ADAM12: variants seen among roughly 807,000 people sequenced by gnomAD.
ADAM12 encodes disintegrin and metalloproteinase domain-containing protein 12.
ADAM12 carries 70 observed loss-of-function variants against 106.4 expected under a neutral mutation model. The observed-to-expected ratio is 0.66, with a 90% CI of 0.54 to 0.80. The LOEUF (loss-of-function observed/expected upper bound fraction) is 0.80, where lower values mean the gene tolerates loss of function less well. ADAM12 is among the 30% of genes least tolerant of loss of function. The pLI, the probability that ADAM12 is intolerant of heterozygous loss-of-function variation, is 0.00. For missense variants in ADAM12, 1,010 were observed against 1,171.9 expected (o/e 0.86, Z 2.02); for synonymous variants, 420 against 433.5 (o/e 0.97, Z 0.39).
chr10:126,225,245 G>A (rs1958170383), intron 3 of ADAM12, among the ~76,000 whole-genome samples: 1 of 152,238 alleles, frequency 6.6e-6, no homozygotes, highest in African/African-American at 2.4e-5. Context: ...CCATGTATAT[G>A]TTTTCTGTTG....
At chr10:126,218,973 T>C (rs1050604555) in intron 3 of ADAM12, among the ~76,000 whole-genome samples, 7 of 152,208 alleles carry the variant, frequency 4.6e-5, no homozygotes, top group Admixed American at 2.6e-4. Context: ...AGACATCACG[T>C]TGAAGCCTCC....
At chr10:126,051,251 CTAGAA>C (rs1400478790) in intron 14 of ADAM12, among the ~76,000 whole-genome samples, 2 of 152,212 alleles carry the variant, frequency 1.3e-5, no homozygotes, top group South Asian at 4.1e-4. Context: ...AAACTGGCAT[CTAGAA>C]TAGTAACAAT....
intron 4 of ADAM12, among the ~76,000 whole-genome samples, chr10:126,142,300 A>C (rs1956527418): frequency 6.6e-6 from 1 of 152,178 alleles, no homozygotes; most frequent in South Asian, 2.1e-4. Flanking sequence ...AGATTTACCC[A>C]CGTATTTACT....
At chr10:126,312,113 G>C (rs966667672) in intron 2 of ADAM12, among the ~76,000 whole-genome samples, 1 of 143,306 alleles carries the variant, frequency 7.0e-6, no homozygotes, top group Non-Finnish European at 1.5e-5. Flanking sequence ...GTCCAAAGTT[G>C]GAGAATTGGT....
chr10:126,198,628 C>T (rs908570776), intron 3 of ADAM12, among the ~76,000 whole-genome samples: 5 of 152,276 alleles, frequency 3.3e-5, no homozygotes, highest in Admixed American at 6.5e-5. Flanking sequence ...CTGTGGGTGC[C>T]GGGGATCTCT....
rs143363627 is a variant in ADAM12 at position 126,045,318 on chromosome 10, C to T, written c.1995+737G>A. Among the ~76,000 whole-genome samples the T allele has an allele frequency of 6.5e-3, 996 of 152,314 alleles. 10 individuals carry two copies. The highest frequency in any genetic ancestry group is 0.023 in the African/African-American group (948 of 41,572). On this transcript the variant is annotated intron_variant, in intron 17 of 22. Transcript: ENST00000448723. ...CCGTCAACACCCCCATCTGAGGTGA[C>T]ACTGTGATCCTTTATGGTTCCAGCA...
chr10:126,022,055 A>G (rs1039860337), intron 21 of ADAM12, among the ~76,000 whole-genome samples: 57 of 152,346 alleles, frequency 3.7e-4, no homozygotes, highest in African/African-American at 1.3e-3. Context: ...CTGTCTTGGC[A>G]ATAAAGAATA....
In ADAM12 at chr10:126,064,776, C is replaced by T. The variant is rs1356936576; in HGVS notation, c.1609+30G>A. On this transcript the variant is annotated intron_variant, in intron 14 of 22. Coordinates refer to ENST00000448723, the MANE Select transcript of ADAM12 (RefSeq NM_001288973.2). This position sits in a 1 kb window ranked among gnomAD's most constrained non-coding sequence, Gnocchi z 4.4. Reference sequence around the variant, plus strand: ...ACAGCCCAGGTCTGCCAGTGCCTCTCCTGATGCCGAGCTTGTGGCGGCCAC... The same window carrying T: ...ACAGCCCAGGTCTGCCAGTGCCTCTTCTGATGCCGAGCTTGTGGCGGCCAC... 1 of 1,573,274 alleles carries T rather than the reference C, an allele frequency of 6.4e-7. No homozygotes were observed. Among genetic ancestry groups the T allele is most frequent in the African/African-American group, 1.3e-5 (1 of 74,082 alleles).
At chr10:126,288,781 TAC>T (rs1282504202) in intron 2 of ADAM12, among the ~76,000 whole-genome samples, 1 of 145,388 alleles carries the variant, frequency 6.9e-6, no homozygotes, top group Non-Finnish European at 1.5e-5. Context: ...TATGTGGTGG[TAC>T]AGTGACTCTA....
intron 14 of ADAM12, among the ~76,000 whole-genome samples, chr10:126,061,953 G>A (rs898471819): frequency 1.3e-5 from 2 of 152,178 alleles, no homozygotes; most frequent in Non-Finnish European, 2.9e-5. Context: ...ACCGACAAGG[G>A]GAGGAAGGAG....
At chr10:126,052,391 G>A (rs1282465745) in intron 14 of ADAM12, among the ~76,000 whole-genome samples, 3 of 152,218 alleles carry the variant, frequency 2.0e-5, no homozygotes, top group Non-Finnish European at 2.9e-5. Flanking sequence ...ACATCACTGT[G>A]CCATTGCACG....
chr10:126,116,006 T>C (rs896425856), intron 6 of ADAM12, among the ~76,000 whole-genome samples: 2 of 152,240 alleles, frequency 1.3e-5, no homozygotes, highest in Non-Finnish European at 2.9e-5. Flanking sequence ...TGACCGGCAT[T>C]GATGCCTTCC....
intron 3 of ADAM12, among the ~76,000 whole-genome samples, chr10:126,205,034 G>C (rs149396584): frequency 6.6e-6 from 1 of 152,280 alleles, no homozygotes; most frequent in Non-Finnish European, 1.5e-5. Context: ...ACACCACCAA[G>C]TCTTTCCAGA....
chr10:126,322,326 C>T (rs961824265), intron 2 of ADAM12, among the ~76,000 whole-genome samples: 11 of 152,180 alleles, frequency 7.2e-5, no homozygotes, highest in African/African-American at 1.9e-4. Context: ...AGTCTGGCTC[C>T]GTCCAAGGCC....
chr10:126,274,642 C>T (rs1362852726), intron 3 of ADAM12, among the ~76,000 whole-genome samples: 4 of 152,136 alleles, frequency 2.6e-5, no homozygotes, highest in African/African-American at 9.7e-5. Context: ...GATGAGAGCA[C>T]TTTTTATATC....
At chr10:126,195,019 G>A (rs1448259794) in intron 3 of ADAM12, among the ~76,000 whole-genome samples, 2 of 150,506 alleles carry the variant, frequency 1.3e-5, no homozygotes, top group Admixed American at 6.6e-5. Context: ...CACTAATTAC[G>A]TATCTGCCTT....
At chr10:126,220,127 A>G (rs1288545547) in intron 3 of ADAM12, among the ~76,000 whole-genome samples, 18 of 152,240 alleles carry the variant, frequency 1.2e-4, no homozygotes, top group Admixed American at 1.2e-3. Flanking sequence ...CCAGCCAGCC[A>G]TTCGGAAGCC....
intron 3 of ADAM12, among the ~76,000 whole-genome samples, chr10:126,240,998 G>A (rs1399881464): frequency 2.0e-5 from 3 of 152,234 alleles, no homozygotes; most frequent in Non-Finnish European, 1.5e-5. Context: ...GATGAATGGG[G>A]CATGTCCATA....
intron 4 of ADAM12, among the ~76,000 whole-genome samples, chr10:126,142,512 G>A (rs563944792): frequency 3.3e-4 from 51 of 152,332 alleles, no homozygotes; most frequent in African/African-American, 9.9e-4. Context: ...CGCCCTGGGT[G>A]GGCCAGGTGT....
Sources: allele counts gnomAD v4.1 joint callset (sites outside exome capture counted in the v4.1 genomes callset), GRCh38; gene constraint gnomAD v4.1.1; non-coding constraint Gnocchi (gnomAD v3.1); transcripts MANE v1.5; gene names NCBI Gene and HGNC (gene_info 2026-07-23, HGNC 2026-07-21).